LRRC52: variants seen among roughly 807,000 people sequenced by gnomAD.
LRRC52 encodes leucine rich repeat containing 52, also known as leucine-rich repeat-containing protein 52.
LRRC52 carries 15 observed loss-of-function variants against 14.7 expected under a neutral mutation model. The ratio of observed to expected loss-of-function variants is 1.02; its 90% CI spans 0.68 to 1.58. The LOEUF (loss-of-function observed/expected upper bound fraction) is 1.58, where lower values mean the gene tolerates loss of function less well. Ranked by LOEUF, LRRC52 falls within the 40% of genes most tolerant of loss-of-function variation. The probability of loss-of-function intolerance (pLI) is 0.00; values close to 1 mark genes in which losing one functional copy is unlikely to be tolerated. For synonymous variants in LRRC52, 180 were observed against 163.9 expected, an observed-to-expected ratio of 1.10 and a Z score of -0.75; for missense variants, 400 against 387.7, an observed-to-expected ratio of 1.03 and a Z score of -0.27.
chr1:165,546,102 A>C (rs1210325049), intron 1 of LRRC52, among the ~76,000 whole-genome samples: 1 of 152,050 alleles, frequency 6.6e-6, no homozygotes, highest in African/African-American at 2.4e-5. Context: ...TAAGTAAAAA[A>C]CGTGCCCTCC....
rs956871719 is a variant in LRRC52, at chr1:165,559,696, C to T, written c.623-3809C>T. On this transcript the variant is annotated intron_variant, in intron 1 of 1. Coordinates refer to ENST00000294818, the MANE Select transcript of LRRC52 (RefSeq NM_001005214.4). The stretch of plus-strand genomic sequence containing the variant: ...ATGACATATAGCAAAGCCAACTCTA[C>T]CATAGGCTAATTGATAGAAGCAAGA... Among the ~76,000 whole-genome samples, 14 of 152,242 alleles carry T rather than the reference C, an allele frequency of 9.2e-5. No individual in the cohort carries two copies. The South Asian group carries it at 2.9e-3, about 32-fold the overall frequency.
In LRRC52 at chr1:165,544,218, C is replaced by G. The variant is rs1247425118; in HGVS notation, c.-79C>G. On this transcript the variant is annotated 5_prime_UTR_variant, in exon 1 of 2. Transcript: ENST00000294818. The stretch of plus-strand genomic sequence containing the variant: ...TCTTTCCAGAGCCCCTCCCCCGCCC[C>G]ACCCCCCCACCGGCAGCCTTCGGAT... 17 of 1,297,874 alleles carry G rather than the reference C, an allele frequency of 1.3e-5. 5 individuals carry two copies. The East Asian group carries it at 4.6e-4, about 35-fold the overall frequency. The allele number at this position is 1,297,874 out of a possible 1,614,324, so 80.4% of individuals were successfully genotyped here. A position where few individuals can be genotyped will look rare whatever the true frequency, so the allele number is the denominator to read the frequency against.
At chr1:165,551,675 A>G (rs1419301645) in intron 1 of LRRC52, among the ~76,000 whole-genome samples, 4 of 152,134 alleles carry the variant, frequency 2.6e-5, no homozygotes, top group African/African-American at 9.7e-5. Context: ...CAGTGGACAA[A>G]GCCACTCAGG....
chr1:165,561,005 C>T (rs1487774891), intron 1 of LRRC52, among the ~76,000 whole-genome samples: 2 of 151,872 alleles, frequency 1.3e-5, no homozygotes, highest in African/African-American at 2.4e-5. Flanking sequence ...TGAAATGGCC[C>T]CGAGCTGGGA....
intron 1 of LRRC52, among the ~76,000 whole-genome samples, chr1:165,548,141 AAAACAG>A (rs1470289539): frequency 1.3e-5 from 2 of 151,328 alleles, no homozygotes; most frequent in African/African-American, 4.9e-5. Flanking sequence ...TGGTGTTTAT[AAAACAG>A]AATCCATTTC....
chr1:165,548,456 A>C (rs1661067362), intron 1 of LRRC52, among the ~76,000 whole-genome samples: 2 of 152,222 alleles, frequency 1.3e-5, no homozygotes, highest in Non-Finnish European at 2.9e-5. Context: ...GTCATAGTTT[A>C]GTTGTGCATA....
At chr1:165,545,895 A>G (rs1661012477) in intron 1 of LRRC52, among the ~76,000 whole-genome samples, 1 of 152,156 alleles carries the variant, frequency 6.6e-6, no homozygotes, top group African/African-American at 2.4e-5. Context: ...AGAAAATCAA[A>G]TCCTGTCAAA....
At chr1:165,559,117 G>C (rs1661293905) in intron 1 of LRRC52, among the ~76,000 whole-genome samples, 1 of 152,178 alleles carries the variant, frequency 6.6e-6, no homozygotes, top group Admixed American at 6.5e-5. Flanking sequence ...GGCCAGGTGT[G>C]GTGGCTCACG....
intron 1 of LRRC52, 102 bp downstream of exon 1, chr1:165,545,020 C>A (rs1183134050): frequency 7.0e-7 from 1 of 1,420,872 alleles, no homozygotes; most frequent in East Asian, 2.3e-5. Context: ...TTGGGTGAAG[C>A]TGATTGAATG....
chr1:165,557,968 G>C (rs1661271960), intron 1 of LRRC52, among the ~76,000 whole-genome samples: 1 of 152,192 alleles, frequency 6.6e-6, no homozygotes, highest in Non-Finnish European at 1.5e-5. Context: ...CAAGGCCCTG[G>C]GAACCTGCAG....
chr1:165,557,698 G>A (rs574868820), intron 1 of LRRC52, among the ~76,000 whole-genome samples: 2 of 152,140 alleles, frequency 1.3e-5, no homozygotes, highest in African/African-American at 2.4e-5. Context: ...GTGGACTGGG[G>A]CCTAAAAGAA....
At chr1:165,545,744 C>G (rs1661009290) in intron 1 of LRRC52, among the ~76,000 whole-genome samples, 1 of 152,160 alleles carries the variant, frequency 6.6e-6, no homozygotes, top group African/African-American at 2.4e-5. Flanking sequence ...ACTTTACTGT[C>G]TCATCCTTAC....
intron 1 of LRRC52, among the ~76,000 whole-genome samples, chr1:165,558,261 T>C (rs1022712009): frequency 3.9e-5 from 6 of 152,168 alleles, no homozygotes; most frequent in Non-Finnish European, 5.9e-5. Context: ...ATTAATGACA[T>C]CTGTAGTTAA....
intron 1 of LRRC52, among the ~76,000 whole-genome samples, chr1:165,546,596 T>A (rs535201704): frequency 6.6e-6 from 1 of 152,254 alleles, no homozygotes; most frequent in East Asian, 1.9e-4. Context: ...CATCTTCTTT[T>A]GCCCCTCCCC....
chr1:165,547,252 G>A lies in LRRC52; in HGVS notation c.622+2334G>A, dbSNP rs74717727. ...TTTTTCCACAAGACTATACTATCTC[G>A]TAAATCCTCAAATTACATAACTATC... On this transcript the variant is annotated intron_variant, in intron 1 of 1. Coordinates refer to ENST00000294818, the MANE Select transcript of LRRC52 (RefSeq NM_001005214.4). Among the ~76,000 whole-genome samples the A allele has an allele frequency of 5.5e-3, 839 of 152,152 alleles. 7 individuals are homozygous for A. Among genetic ancestry groups the A allele is most frequent in the Non-Finnish European group, 9.1e-3 (622 of 67,994 alleles).
rs1557963695 is a variant in LRRC52, at chr1:165,549,969, G to GA, written c.622+5054dup. Among the ~76,000 whole-genome samples, 5 of 149,918 alleles carry GA rather than the reference G, an allele frequency of 3.3e-5. No individual in the cohort carries two copies. In the Admixed American group the frequency reaches 3.4e-4, roughly 10 times the overall value. On this transcript the variant is annotated intron_variant, in intron 1 of 1. Coordinates refer to ENST00000294818, the MANE Select transcript of LRRC52 (RefSeq NM_001005214.4). ...TTAATGTAGTCATTTTTTTAAACAC[G>GA]AAAGTTACAGCAGAAATGGAGGTGT...
At chr1:165,550,969 T>C (rs1661118787) in intron 1 of LRRC52, among the ~76,000 whole-genome samples, 1 of 152,174 alleles carries the variant, frequency 6.6e-6, no homozygotes, top group Non-Finnish European at 1.5e-5. Flanking sequence ...TGGTAGCCTA[T>C]GGACCTAAAT....
In LRRC52 at chr1:165,563,887, C is replaced by A. The variant is rs1661402043; in HGVS notation, c.*63C>A. The A allele has an allele frequency of 7.4e-6, 11 of 1,492,130 alleles. No homozygotes were observed. The East Asian group carries it at 2.5e-4, about 34-fold the overall frequency. 92.4% of individuals were successfully genotyped at this position (1,492,130 alleles called of 1,614,324 possible). On this transcript the variant is annotated 3_prime_UTR_variant, in exon 2 of 2. Transcript: ENST00000294818. ...TCCCTGCTTTCTCTCTTGCCCTCCC[C>A]ATCCCACCACCTTGGAGCTGTCATA...
chr1:165,555,052 C>T (rs1361597396), intron 1 of LRRC52, among the ~76,000 whole-genome samples: 1 of 152,166 alleles, frequency 6.6e-6, no homozygotes, highest in Non-Finnish European at 1.5e-5. Flanking sequence ...TGGCCAGGCA[C>T]GGGGCATACT....
Sources: gnomAD v4.1 joint callset for allele counts (sites outside exome capture counted in the v4.1 genomes callset) on GRCh38, gnomAD v4.1.1 for gene constraint, MANE v1.5 for transcripts, NCBI Gene and HGNC (gene_info 2026-07-23, HGNC 2026-07-21) for gene names.